ADARB1: variants seen among roughly 807,000 people sequenced by gnomAD.
ADARB1 encodes double-stranded RNA-specific editase 1.
Under a neutral mutation model 52.4 loss-of-function variants are expected in ADARB1, and 10 were observed. The observed-to-expected ratio is 0.19, with a 90% CI of 0.12 to 0.32. The LOEUF is 0.32. ADARB1 is among the 10% of genes least tolerant of loss of function. The probability of loss-of-function intolerance (pLI) is 1.00; values close to 1 mark genes in which losing one functional copy is unlikely to be tolerated. For synonymous variants in ADARB1, 349 were observed against 371.1 expected (o/e 0.94, Z 0.68); for missense variants, 643 against 922.3 (o/e 0.70, Z 3.92).
chr21:45,107,944 C>G (rs1601374224), intron 1 of ADARB1, among the ~76,000 whole-genome samples: 1 of 151,970 alleles, frequency 6.6e-6, no homozygotes, highest in Admixed American at 6.6e-5. Context: ...ACCTGTAGTC[C>G]CAGCTACTTG....
chr21:45,120,475 G>A (rs986722701), intron 1 of ADARB1, among the ~76,000 whole-genome samples: 2 of 152,118 alleles, frequency 1.3e-5, no homozygotes, highest in Non-Finnish European at 2.9e-5. Context: ...CACTTCTTCC[G>A]TCTCCTCCTG....
chr21:45,098,288 A>G (rs535603053), intron 1 of ADARB1, among the ~76,000 whole-genome samples: 7 of 151,720 alleles, frequency 4.6e-5, no homozygotes, highest in African/African-American at 1.7e-4. Flanking sequence ...CCCTTGGAGC[A>G]CTCTCCCAGG....
rs569847111 is a variant in ADARB1, at chr21:45,172,121, G to A, written c.28+437G>A. Among the ~76,000 whole-genome samples, 88 of 152,320 alleles carry A rather than the reference G, an allele frequency of 5.8e-4. 1 individual carries two copies. Among genetic ancestry groups the A allele is most frequent in the Admixed American group, 2.2e-3 (33 of 15,306 alleles). ...TGCAGGTTCTCGCTGCATTTTGAAG[G>A]AAGGGGATTCACACGTGTCTGTTGA... On this transcript the variant is annotated intron_variant, in intron 3 of 10. Coordinates refer to ENST00000348831, the MANE Select transcript of ADARB1 (RefSeq NM_001112.4). This position sits in a 1 kb window ranked among gnomAD's most constrained non-coding sequence, Gnocchi z 4.4.
chr21:45,171,575 G>A, intron 2 of ADARB1, 35 bp from the exon 3 acceptor site: 2 of 1,322,520 alleles, frequency 1.5e-6, no homozygotes, highest in Non-Finnish European at 2.2e-6. Context: ...TCCTGTCATA[G>A]GCACACTAAA....
chr21:45,176,338 G>A lies in ADARB1; in HGVS notation c.637G>A (p.Val213Met), dbSNP rs2091694855. 2.4e-5 allele frequency: 38 copies of A among 1,614,030 alleles called. No individual in the cohort carries two copies. The highest frequency in any genetic ancestry group is 3.2e-5 in the Non-Finnish European group (38 of 1,179,942). Residue 213 changes from valine to methionine, a missense_variant, in exon 4 of 11, where the codon GTG (valine) becomes ATG (methionine). Around this residue, in one of 2 missense-constraint regions of ADARB1, gnomAD observed 380 missense variants for 446.5 expected, o/e 0.85. Transcript: ENST00000348831. This position sits in a 1 kb window ranked among gnomAD's most constrained non-coding sequence, Gnocchi z 5.8. ...SGDLSLSASP[V>M]PASLAQPPLP... ...GGACCTCAGCTTGTCTGCTTCCCCG[G>A]TGCCTGCCAGCCTAGCCCAGCCTCC...
At chr21:45,119,733 G>A (rs531708265) in intron 1 of ADARB1, among the ~76,000 whole-genome samples, 14 of 152,232 alleles carry the variant, frequency 9.2e-5, no homozygotes, top group African/African-American at 1.4e-4. Context: ...CATCTGTTTC[G>A]AAATAAAGAC....
At position 45,223,445 on chromosome 21, in the gene ADARB1, T is replaced by G. The variant is rs1426615303; in HGVS notation, c.*1248T>G. On this transcript the variant is annotated 3_prime_UTR_variant, in exon 11 of 11. Transcript: ENST00000348831. ...GAGCGCGGCGGGCGAGGGCCCTGTG[T>G]GGACCACCTCCACCAAGCTCAGAGA... The G allele has an allele frequency of 7.1e-6, 7 of 985,634 alleles. No homozygotes were observed. The Admixed American group carries it at 4.3e-4, about 61-fold the overall frequency. 61.1% of individuals were successfully genotyped at this position (985,634 alleles called of 1,614,324 possible).
At chr21:45,111,421 C>A (rs1180542028) in intron 1 of ADARB1, among the ~76,000 whole-genome samples, 1 of 152,178 alleles carries the variant, frequency 6.6e-6, no homozygotes, top group African/African-American at 2.4e-5. Context: ...ACATCCGTAT[C>A]CGGAGCCGTG....
rs1163534591 is a variant in ADARB1, at chr21:45,074,804, C to G, written c.-220+11C>G. On this transcript the variant is annotated intron_variant, in intron 1 of 10. Transcript: ENST00000348831. ...GCGGCTGCGGCTGAGGTGAGGGCGG[C>G]GCGGGGCCGCGGCGGCTCGGGCGGG... 3 of 146,642 alleles carry G rather than the reference C, an allele frequency of 2.0e-5. No homozygotes were observed. The highest frequency in any genetic ancestry group is 7.4e-5 in the African/African-American group (3 of 40,490). 9.1% of individuals were successfully genotyped at this position (146,642 alleles called of 1,614,324 possible).
At chr21:45,138,385 C>T (rs984555515) in intron 2 of ADARB1, among the ~76,000 whole-genome samples, 3 of 152,148 alleles carry the variant, frequency 2.0e-5, no homozygotes, top group Admixed American at 6.5e-5. Context: ...CGTAAGTAAT[C>T]CAGAGGGAGG....
At chr21:45,135,675 G>C (rs1349489924) in intron 2 of ADARB1, among the ~76,000 whole-genome samples, 1 of 152,272 alleles carries the variant, frequency 6.6e-6, no homozygotes, top group Non-Finnish European at 1.5e-5. Context: ...GATGAAGGCA[G>C]AGTGCGAGAA....
intron 2 of ADARB1, among the ~76,000 whole-genome samples, chr21:45,148,402 G>A (rs1214393571): frequency 4.6e-5 from 7 of 152,230 alleles, no homozygotes; most frequent in African/African-American, 1.7e-4. Flanking sequence ...TTGAAGGAAA[G>A]AATCCGGACA....
At chr21:45,076,286 T>TC (rs2085932152) in intron 1 of ADARB1, among the ~76,000 whole-genome samples, 1 of 152,162 alleles carries the variant, frequency 6.6e-6, no homozygotes, top group Non-Finnish European at 1.5e-5. Flanking sequence ...GAGGACAGGG[T>TC]CCAGTATGCA....
chr21:45,198,323 G>A (rs1009269955), intron 8 of ADARB1, among the ~76,000 whole-genome samples: 6 of 152,138 alleles, frequency 3.9e-5, no homozygotes, highest in African/African-American at 1.4e-4. Context: ...ATGAAAACAC[G>A]GATATCCTTC....
chr21:45,176,416 A>C lies in ADARB1; in HGVS notation c.715A>C (p.Ile239Leu). 6.2e-7 allele frequency: 1 copy of C among 1,614,128 alleles called. No individual in the cohort carries two copies. Among genetic ancestry groups the C allele is most frequent in the Non-Finnish European group, 8.5e-7 (1 of 1,180,022 alleles). Residue 239 changes from isoleucine to leucine, a missense_variant, in exon 4 of 11, where the codon ATC becomes CTC. Around this residue, in one of 2 missense-constraint regions of ADARB1, gnomAD observed 380 missense variants for 446.5 expected, o/e 0.85. Transcript: ENST00000348831. The surrounding 1 kb of genome is among the most constrained non-coding windows in gnomAD (Gnocchi z 5.8). ...PPPSGKNPVM[I>L]LNELRPGLKY... is the part of the protein sequence containing the mutation. Reference sequence around the variant, plus strand: ...CCCGAGTGGGAAGAATCCCGTGATGATCTTGAACGAACTGCGCCCAGGACT... The same window carrying C: ...CCCGAGTGGGAAGAATCCCGTGATGCTCTTGAACGAACTGCGCCCAGGACT...
Position 45,222,278 on chromosome 21 carries a change from C to G in ADARB1, c.*81C>G, listed in dbSNP as rs1427198504. ...CAGAACCTCACATCTGAACTGGGGG[C>G]AGGTGCATACCTTGGGGAGGGAGTA... On this transcript the variant is annotated 3_prime_UTR_variant, in exon 11 of 11. Transcript: ENST00000348831. 5.5e-6 allele frequency: 8 copies of G among 1,449,218 alleles called. No individual in the cohort carries two copies. The allele number at this position is 1,449,218 out of a possible 1,614,324, so 89.8% of individuals were successfully genotyped here. A position where few individuals can be genotyped will look rare whatever the true frequency, so the allele number is the denominator to read the frequency against.
chr21:45,182,803 C>T lies in ADARB1; in HGVS notation c.1247+50C>T, dbSNP rs1253418739. On this transcript the variant is annotated intron_variant, in intron 6 of 10. Coordinates refer to ENST00000348831, the MANE Select transcript of ADARB1 (RefSeq NM_001112.4). ...CAGGAAGCTCTTTTTAAAAAATATT[C>T]CTCTATTAGAAAACATTGCAAAACC... 6 of 1,454,606 alleles carry T rather than the reference C, an allele frequency of 4.1e-6. No homozygotes were observed. In the African/African-American group the frequency reaches 5.7e-5, roughly 14 times the overall value. The allele number at this position is 1,454,606 out of a possible 1,614,324, so 90.1% of individuals were successfully genotyped here.
chr21:45,169,152 A>G (rs1369441879), intron 2 of ADARB1, among the ~76,000 whole-genome samples: 3 of 152,194 alleles, frequency 2.0e-5, no homozygotes, highest in Non-Finnish European at 4.4e-5. Context: ...GCTTCCCCAC[A>G]TAGTCTCTCA....
chr21:45,192,687 GA>G (rs1338139134), intron 8 of ADARB1, among the ~76,000 whole-genome samples: 1 of 152,100 alleles, frequency 6.6e-6, no homozygotes, highest in Non-Finnish European at 1.5e-5. Flanking sequence ...AAATGTGTAA[GA>G]AAAGAGTTCA....
Sources: allele counts gnomAD v4.1 joint callset (sites outside exome capture counted in the v4.1 genomes callset), GRCh38; gene constraint gnomAD v4.1.1; regional missense constraint gnomAD v4.1.1; non-coding constraint Gnocchi (gnomAD v3.1); transcripts MANE v1.5; gene names NCBI Gene and HGNC (gene_info 2026-07-23, HGNC 2026-07-21).